TXK: variants seen among roughly 807,000 people sequenced by gnomAD.
The protein encoded by TXK is tyrosine-protein kinase TXK.
A neutral mutation model predicts 81.0 loss-of-function variants in TXK; 60 were observed. The ratio of observed to expected loss-of-function variants is 0.74; its 90% CI spans 0.60 to 0.92. TXK has a LOEUF of 0.92. TXK is among the 40% of genes least tolerant of loss of function. The probability of loss-of-function intolerance (pLI) is 0.00; values close to 1 mark genes in which losing one functional copy is unlikely to be tolerated. For missense variants in TXK, 581 were observed against 638.3 expected (o/e 0.91, Z 0.97); for synonymous variants, 203 against 210.7 (o/e 0.96, Z 0.32).
rs62298963 is a variant in TXK, at chr4:48,105,488, C to T, written c.447-533G>A. ...GGGAGATAACAGGGGGAACACATAG[C>T]CATAGAGATGGAAATAATGGACACT... On this transcript the variant is annotated intron_variant, in intron 5 of 14. Coordinates refer to ENST00000264316, the MANE Select transcript of TXK (RefSeq NM_003328.3). Among the ~76,000 whole-genome samples, 525 of 152,122 alleles carry T rather than the reference C, an allele frequency of 3.5e-3. 5 individuals are homozygous for T. The highest frequency in any genetic ancestry group is 6.2e-3 in the Non-Finnish European group (425 of 68,002).
chr4:48,070,409 C>T (rs917283969), intron 14 of TXK, among the ~76,000 whole-genome samples: 2 of 152,192 alleles, frequency 1.3e-5, no homozygotes, highest in African/African-American at 4.8e-5. Context: ...GGAGTCCTGA[C>T]TGCCAGAAGA....
chr4:48,069,704 A>C (rs1468179276), intron 14 of TXK, among the ~76,000 whole-genome samples: 1 of 152,112 alleles, frequency 6.6e-6, no homozygotes, highest in Non-Finnish European at 1.5e-5. Context: ...ATTTGAGACA[A>C]ATGTTGTTTA....
intron 13 of TXK, 118 bp downstream of exon 13, chr4:48,073,817 A>T: frequency 1.4e-6 from 1 of 700,820 alleles, no homozygotes. Flanking sequence ...AGAAGGAAGC[A>T]CAATTACAAG....
intron 6 of TXK, among the ~76,000 whole-genome samples, chr4:48,099,031 C>T (rs1441159865): frequency 6.6e-6 from 1 of 152,078 alleles, no homozygotes; most frequent in Non-Finnish European, 1.5e-5. Context: ...CTAGCCAATT[C>T]AACTAAGTGA....
intron 12 of TXK, among the ~76,000 whole-genome samples, chr4:48,075,618 C>A (rs1006526327): frequency 6.6e-6 from 1 of 152,044 alleles, no homozygotes; most frequent in Admixed American, 6.6e-5. Context: ...CCACTGCACT[C>A]CAGCCTGGGT....
chr4:48,079,635 G>A (rs902871581), intron 11 of TXK, among the ~76,000 whole-genome samples: 14 of 152,128 alleles, frequency 9.2e-5, no homozygotes, highest in Admixed American at 2.6e-4. Context: ...CTGCACAGCC[G>A]GTTCTGTGTG....
chr4:48,091,511 T>C (rs1280142791), intron 8 of TXK, among the ~76,000 whole-genome samples: 1 of 124,478 alleles, frequency 8.0e-6, no homozygotes, highest in African/African-American at 4.8e-5. Context: ...TTTTCTTTTC[T>C]TTTTTTTTTT....
intron 13 of TXK, among the ~76,000 whole-genome samples, chr4:48,073,259 C>G (rs1293481568): frequency 6.6e-6 from 1 of 152,062 alleles, no homozygotes; most frequent in Non-Finnish European, 1.5e-5. Context: ...AACTGACACC[C>G]TTCTGAGGAC....
At chr4:48,105,036 A>C (rs1387860833) in intron 5 of TXK, 81 bp from the exon 6 acceptor site, 4 of 979,676 alleles carry the variant, frequency 4.1e-6, no homozygotes, top group Non-Finnish European at 4.6e-6. Flanking sequence ...TTCATTTTTA[A>C]GAACTTACTT....
At position 48,086,534 on chromosome 4, in the gene TXK, T is replaced by C. The variant is rs1194416526; in HGVS notation, c.888A>G (p.Val296=). The C allele has an allele frequency of 8.1e-6, 13 of 1,614,124 alleles. No individual in the cohort carries two copies. In the Admixed American group the frequency reaches 1.0e-4, roughly 12 times the overall value. Residue 296 remains valine (V), a synonymous_variant, in exon 10 of 15, where the codon GTA becomes GTG. Coordinates refer to ENST00000264316, the MANE Select transcript of TXK (RefSeq NM_003328.3). ...HLGEWRSHIQ[V]AIKAINEGSM... ...AGCCTTCATTGATGGCCTTGATAGC[T>C]ACCTGGATATGTGACCGCCATTCAC...
chr4:48,086,008 A>G (rs1321803679), intron 10 of TXK, among the ~76,000 whole-genome samples: 1 of 152,246 alleles, frequency 6.6e-6, no homozygotes, highest in African/African-American at 2.4e-5. Flanking sequence ...AGCCATCTGC[A>G]GACAGAAAAG....
chr4:48,113,788 A>G (rs751166701), intron 2 of TXK, among the ~76,000 whole-genome samples: 1 of 152,058 alleles, frequency 6.6e-6, no homozygotes, highest in Non-Finnish European at 1.5e-5. Context: ...CTAATCTTCA[A>G]TTTCCTCATC....
At chr4:48,112,128 G>C (rs1275370324) in intron 4 of TXK, among the ~76,000 whole-genome samples, 179 bp downstream of exon 4, 1 of 152,212 alleles carries the variant, frequency 6.6e-6, no homozygotes, top group African/African-American at 2.4e-5. Context: ...TGTGAAGCCA[G>C]GTGTATCTGG....
chr4:48,087,369 A>G (rs918038671), intron 9 of TXK, among the ~76,000 whole-genome samples: 3 of 152,144 alleles, frequency 2.0e-5, no homozygotes, highest in Non-Finnish European at 2.9e-5. Context: ...AAAATCTGAT[A>G]GTCCCTTCTA....
At chr4:48,081,904 C>T (rs1331334897) in intron 10 of TXK, among the ~76,000 whole-genome samples, 2 of 152,196 alleles carry the variant, frequency 1.3e-5, no homozygotes, top group African/African-American at 4.8e-5. Context: ...ACCTCAGCAT[C>T]ATCTTTGTTC....
At chr4:48,126,229 T>C (rs1719087306) in intron 1 of TXK, among the ~76,000 whole-genome samples, 1 of 152,210 alleles carries the variant, frequency 6.6e-6, no homozygotes, top group Non-Finnish European at 1.5e-5. Context: ...CTATTCAACA[T>C]GAAGATGACG....
intron 10 of TXK, among the ~76,000 whole-genome samples, chr4:48,081,829 G>A (rs769059393): frequency 6.6e-6 from 1 of 151,974 alleles, no homozygotes; most frequent in Non-Finnish European, 1.5e-5. Flanking sequence ...CCCTAAACCC[G>A]TTTGGTCTTC....
In TXK at chr4:48,086,652, C is replaced by T. The variant is rs1253346586; in HGVS notation, c.785-15G>A. ...CTCCCACTTTTCTGAAAAAGTAAAACATCCATGTTACAAGTAGAAAGAAAG... is the reference window on the plus strand; with the variant it reads ...CTCCCACTTTTCTGAAAAAGTAAAATATCCATGTTACAAGTAGAAAGAAAG... On this transcript the variant is annotated splice_polypyrimidine_tract_variant and intron_variant, in intron 9 of 14. Transcript: ENST00000264316. 10 of 1,610,000 alleles carry T rather than the reference C, an allele frequency of 6.2e-6. No homozygotes were observed. Among genetic ancestry groups the T allele is most frequent in the Non-Finnish European group, 8.5e-6 (10 of 1,177,110 alleles).
chr4:48,095,118 A>C, intron 7 of TXK, 25 bp downstream of exon 7: 1 of 1,555,622 alleles, frequency 6.4e-7, no homozygotes, highest in African/African-American at 1.4e-5. Flanking sequence ...TTATTTCTAT[A>C]GTAACCAAAA....
Sources: gnomAD v4.1 joint callset for allele counts (sites outside exome capture counted in the v4.1 genomes callset) on GRCh38, gnomAD v4.1.1 for gene constraint, MANE v1.5 for transcripts, NCBI Gene and HGNC (gene_info 2026-07-23, HGNC 2026-07-21) for gene names.